Variants in LRP1B observed in about 807,000 individuals in gnomAD.
LRP1B encodes the protein low-density lipoprotein receptor-related protein 1B.
Under a neutral mutation model 556.6 loss-of-function variants are expected in LRP1B, and 217 were observed. The ratio of observed to expected loss-of-function variants is 0.39; its 90% confidence interval spans 0.35 to 0.44. LRP1B has a LOEUF of 0.44. LRP1B is among the 20% of genes least tolerant of loss of function. The probability of loss-of-function intolerance (pLI) is 1.00; values close to 1 mark genes in which losing one functional copy is unlikely to be tolerated. For synonymous variants in LRP1B, 2,047 were observed against 1,865.8 expected (o/e 1.10, Z -2.50); for missense variants, 5,053 against 5,620.8 (o/e 0.90, Z 3.23).
intron 2 of LRP1B, among the ~76,000 whole-genome samples, chr2:141,580,488 T>C (rs1215871060): frequency 6.6e-6 from 1 of 152,214 alleles, no homozygotes; most frequent in Non-Finnish European, 1.5e-5. Context: ...GACTGAGAAA[T>C]ATCAGTGTTT....
intron 41 of LRP1B, among the ~76,000 whole-genome samples, chr2:140,690,549 A>G (rs1237966096): frequency 6.6e-6 from 1 of 152,182 alleles, no homozygotes; most frequent in African/African-American, 2.4e-5. Context: ...CCCTACATCT[A>G]CCACAGGACA....
In LRP1B at chr2:141,544,340, C is replaced by CTTCTTCTTCTTCTTCTT. The variant is rs1559131218; in HGVS notation, c.206-63824_206-63808dup. The stretch of plus-strand genomic sequence containing the variant: ...TCTTCTTCTTCTTCTTCTTCTTCTT[C>CTTCTTCTTCTTCTTCTT]TTCTTCTTCTTCTTCTTCTTCTTCT... On this transcript the variant is annotated intron_variant, in intron 2 of 90. Transcript: ENST00000389484. 2.2e-3 allele frequency among the ~76,000 whole-genome samples: 159 copies of CTTCTTCTTCTTCTTCTT among 73,246 alleles called. 3 individuals are homozygous for CTTCTTCTTCTTCTTCTT. The highest frequency in any genetic ancestry group is 6.8e-3 in the African/African-American group (124 of 18,316). The allele number at this position is 73,246 out of a possible 152,430, so 48.1% of individuals were successfully genotyped here.
At chr2:141,372,431 T>C (rs1204619463) in intron 3 of LRP1B, among the ~76,000 whole-genome samples, 1 of 152,060 alleles carries the variant, frequency 6.6e-6, no homozygotes, top group Non-Finnish European at 1.5e-5. Context: ...TCCTTAATTT[T>C]TTGGAATGGT....
At chr2:141,438,774 G>A (rs538814086) in intron 3 of LRP1B, among the ~76,000 whole-genome samples, 8 of 152,138 alleles carry the variant, frequency 5.3e-5, no homozygotes, top group Non-Finnish European at 1.0e-4. Context: ...CTGAGAAAAG[G>A]AAGAGTCAGA....
At chr2:140,766,674 C>G (rs964551969) in intron 35 of LRP1B, among the ~76,000 whole-genome samples, 1 of 150,876 alleles carries the variant, frequency 6.6e-6, no homozygotes, top group South Asian at 2.1e-4. Context: ...GGTTTATTAA[C>G]CTGTGTTTAT....
At chr2:140,330,359 T>C (rs1558807114) in intron 79 of LRP1B, among the ~76,000 whole-genome samples, 1 of 151,834 alleles carries the variant, frequency 6.6e-6, no homozygotes, top group Non-Finnish European at 1.5e-5. Flanking sequence ...CCAAAAGCTA[T>C]GGTACTGGTA....
At chr2:141,862,764 A>G (rs1418194479) in intron 1 of LRP1B, among the ~76,000 whole-genome samples, 1 of 152,242 alleles carries the variant, frequency 6.6e-6, no homozygotes, top group Non-Finnish European at 1.5e-5. Context: ...ATAGCCATAC[A>G]GATAATTTTG....
At chr2:140,895,454 G>C (rs1172560469) in intron 23 of LRP1B, among the ~76,000 whole-genome samples, 1 of 152,132 alleles carries the variant, frequency 6.6e-6, no homozygotes, top group Non-Finnish European at 1.5e-5. Context: ...GTGGGAAGGG[G>C]AGAAGGCAGG....
intron 14 of LRP1B, among the ~76,000 whole-genome samples, chr2:141,007,718 A>C (rs1697619546): frequency 6.6e-6 from 1 of 151,808 alleles, no homozygotes; most frequent in Admixed American, 6.6e-5. Context: ...TAAAGAATTT[A>C]AACAGTCAGA....
intron 3 of LRP1B, among the ~76,000 whole-genome samples, chr2:141,303,742 T>C (rs1475520349): frequency 6.6e-6 from 1 of 152,194 alleles, no homozygotes; most frequent in Non-Finnish European, 1.5e-5. Context: ...GATGCAGGTA[T>C]CCCTTTGATG....
chr2:141,741,737 T>C (rs1252233628), intron 2 of LRP1B, among the ~76,000 whole-genome samples: 3 of 152,176 alleles, frequency 2.0e-5, no homozygotes, highest in Non-Finnish European at 4.4e-5. Flanking sequence ...TCCCATTCTG[T>C]AGTTTACCTC....
chr2:140,867,162 C>T (rs974105490), intron 27 of LRP1B, among the ~76,000 whole-genome samples: 6 of 152,002 alleles, frequency 3.9e-5, no homozygotes, highest in Non-Finnish European at 4.4e-5. Flanking sequence ...ATGGGGTTCA[C>T]TGTTGAACCA....
chr2:141,912,048 C>T (rs922748235), intron 1 of LRP1B, among the ~76,000 whole-genome samples: 2 of 152,144 alleles, frequency 1.3e-5, no homozygotes, highest in African/African-American at 4.8e-5. Context: ...AATGGACCGC[C>T]ATATATTTTG....
intron 21 of LRP1B, among the ~76,000 whole-genome samples, chr2:140,915,885 G>A (rs188112388): frequency 2.0e-5 from 3 of 151,728 alleles, no homozygotes; most frequent in African/African-American, 4.8e-5. Context: ...AAAATTAGCC[G>A]GGTGAGGGGG....
At chr2:140,594,598 A>C (rs1201016872) in intron 43 of LRP1B, among the ~76,000 whole-genome samples, 1 of 152,132 alleles carries the variant, frequency 6.6e-6, no homozygotes, top group African/African-American at 2.4e-5. Flanking sequence ...AATTAACTTA[A>C]ATATAGGTTA....
intron 1 of LRP1B, among the ~76,000 whole-genome samples, chr2:142,112,125 A>G (rs72996314): frequency 0.025 from 3,855 of 152,204 alleles, 158 homozygotes; most frequent in African/African-American, 0.088. Context: ...ATTAATATAC[A>G]GATGCCTAAC....
chr2:140,589,499 A>G (rs1450481769), intron 43 of LRP1B, among the ~76,000 whole-genome samples: 1 of 152,228 alleles, frequency 6.6e-6, no homozygotes, highest in Non-Finnish European at 1.5e-5. Flanking sequence ...GTACACAGAT[A>G]TTCATGAAAG....
At chr2:141,844,167 TTATC>T (rs1465564615) in intron 1 of LRP1B, among the ~76,000 whole-genome samples, 1 of 152,026 alleles carries the variant, frequency 6.6e-6, no homozygotes. Context: ...GAAAACTAGT[TTATC>T]TTTCTATCTG....
intron 5 of LRP1B, among the ~76,000 whole-genome samples, chr2:141,240,982 T>C (rs1683847850): frequency 6.6e-6 from 1 of 152,042 alleles, no homozygotes; most frequent in Non-Finnish European, 1.5e-5. Context: ...AGATTAAAAA[T>C]GTCAAAAACG....
Sources: allele counts gnomAD v4.1 joint callset (sites outside exome capture counted in the v4.1 genomes callset), GRCh38; gene constraint gnomAD v4.1.1; transcripts MANE v1.5; gene names NCBI Gene and HGNC (gene_info 2026-07-23, HGNC 2026-07-21).